FRMD4A: variants seen among roughly 807,000 people sequenced by gnomAD.
The protein encoded by FRMD4A is FERM domain containing 4A, also known as FERM domain-containing protein 4A.
FRMD4A carries 29 observed loss-of-function variants against 129.1 expected under a neutral mutation model. The ratio of observed to expected loss-of-function variants is 0.22; its 90% CI spans 0.17 to 0.31. The LOEUF is 0.31. Ranked by LOEUF, FRMD4A falls within the 10% of genes least tolerant of loss-of-function variation. The pLI is 1.00. For missense variants in FRMD4A, 1,272 were observed against 1,375.8 expected (o/e 0.92, Z 1.19); for synonymous variants, 634 against 571.6 (o/e 1.11, Z -1.56).
intron 3 of FRMD4A, among the ~76,000 whole-genome samples, chr10:13,814,590 AAAAAAAAAAAAAAAAAAG>A (rs2093505816): frequency 6.9e-6 from 1 of 144,488 alleles, no homozygotes; most frequent in African/African-American, 2.5e-5. Flanking sequence ...CAAAAAAAAA[AAAAAAAAAAAAAAAAAAG>A]AAAGAAAGGG....
intron 12 of FRMD4A, among the ~76,000 whole-genome samples, chr10:13,734,550 C>T (rs2090511374): frequency 6.6e-6 from 1 of 152,168 alleles, no homozygotes; most frequent in African/African-American, 2.4e-5. Flanking sequence ...ACACTGGCCT[C>T]TCCCCTGCAT....
intron 2 of FRMD4A, among the ~76,000 whole-genome samples, chr10:14,284,374 C>T (rs547036084): frequency 6.4e-4 from 97 of 152,226 alleles, no homozygotes; most frequent in Non-Finnish European, 1.1e-3. Context: ...GGAGGCTGGG[C>T]GCAGTGGTTC....
intron 14 of FRMD4A, among the ~76,000 whole-genome samples, chr10:13,694,433 G>A (rs1054755194): frequency 1.3e-5 from 2 of 152,130 alleles, no homozygotes; most frequent in Non-Finnish European, 2.9e-5. Context: ...TGTGGGAAGG[G>A]TGTTCCTCCC....
rs563254267 is a variant in FRMD4A, at chr10:14,027,407, G to A, written c.46-168495C>T. 5.9e-5 allele frequency among the ~76,000 whole-genome samples: 9 copies of A among 152,328 alleles called. No individual in the cohort carries two copies. In the East Asian group the frequency reaches 9.7e-4, roughly 16 times the overall value. On this transcript the variant is annotated intron_variant, in intron 2 of 24. Coordinates refer to ENST00000357447, the MANE Select transcript of FRMD4A (RefSeq NM_018027.5). ...TATAATCCCAGCACTTTGGGAGGCC[G>A]AGGCGGGTGGACAGCCTGACCAATA...
chr10:13,778,623 T>TGTGTGTGTGTGTG lies in FRMD4A; in HGVS notation c.384+4298_384+4299insCACACACACACAC, dbSNP rs1240640403. ...CGTGTGTGTGTGTGTGTGTGTGTGTTTGTGTGTGTGTTAAGGTTTAATGGG... is the reference window on the plus strand; with the variant it reads ...CGTGTGTGTGTGTGTGTGTGTGTGTTGTGTGTGTGTGTGTGTGTGTGTGTTAAGGTTTAATGGG... On this transcript the variant is annotated intron_variant, in intron 6 of 24. Transcript: ENST00000357447. Among the ~76,000 whole-genome samples, 83 of 138,604 alleles carry TGTGTGTGTGTGTG rather than the reference T, an allele frequency of 6.0e-4. 1 individual carries two copies. The East Asian group carries it at 7.8e-3, about 13-fold the overall frequency. 90.9% of individuals were successfully genotyped at this position (138,604 alleles called of 152,430 possible). A position where few individuals can be genotyped will look rare whatever the true frequency, so the allele number is the denominator to read the frequency against.
chr10:14,257,942 G>C (rs1446761198), intron 2 of FRMD4A, among the ~76,000 whole-genome samples: 3 of 152,130 alleles, frequency 2.0e-5, no homozygotes, highest in African/African-American at 7.2e-5. Flanking sequence ...ACTAATACAA[G>C]GTGCAATGGA....
At chr10:14,139,578 T>G (rs907212713) in intron 2 of FRMD4A, among the ~76,000 whole-genome samples, 1 of 151,844 alleles carries the variant, frequency 6.6e-6, no homozygotes, top group Non-Finnish European at 1.5e-5. Flanking sequence ...GCCTCCCAAG[T>G]AGCTGGGACC....
At chr10:14,084,500 A>G (rs1021991187) in intron 2 of FRMD4A, among the ~76,000 whole-genome samples, 2 of 152,280 alleles carry the variant, frequency 1.3e-5, no homozygotes, top group African/African-American at 4.8e-5. Context: ...TAAATTTTCT[A>G]TGTTATGTGA....
At chr10:13,714,120 C>A (rs755301436) in intron 12 of FRMD4A, among the ~76,000 whole-genome samples, 2 of 141,010 alleles carry the variant, frequency 1.4e-5, no homozygotes, top group East Asian at 4.1e-4. Flanking sequence ...AGTGCAGTGG[C>A]ACGTTCTCAG....
chr10:13,717,941 C>T (rs2089003443), intron 12 of FRMD4A, among the ~76,000 whole-genome samples: 1 of 152,088 alleles, frequency 6.6e-6, no homozygotes, highest in South Asian at 2.1e-4. Context: ...AAAAAGAAAA[C>T]GAAATGTCAA....
At chr10:13,659,549 G>C (rs1422936367) in intron 20 of FRMD4A, 59 bp from the exon 21 acceptor site, 3 of 1,529,906 alleles carry the variant, frequency 2.0e-6, no homozygotes, top group Non-Finnish European at 2.7e-6. Flanking sequence ...TTCCTGGGGG[G>C]CTGGCTAGTT....
intron 2 of FRMD4A, among the ~76,000 whole-genome samples, chr10:14,214,765 C>T (rs957714688): frequency 2.0e-5 from 3 of 152,082 alleles, no homozygotes; most frequent in African/African-American, 7.2e-5. Context: ...ATGGGTAGAA[C>T]AAAAATTGTA....
chr10:14,119,995 C>CTTT (rs34292351), intron 2 of FRMD4A, among the ~76,000 whole-genome samples: 5 of 131,222 alleles, frequency 3.8e-5, no homozygotes, highest in Admixed American at 1.5e-4. Context: ...ATGTCATCTG[C>CTTT]TTTTTTTTTT....
intron 2 of FRMD4A, among the ~76,000 whole-genome samples, chr10:13,999,844 A>G (rs759466505): frequency 6.6e-6 from 1 of 152,228 alleles, no homozygotes; most frequent in African/African-American, 2.4e-5. Context: ...TGGTGATGAC[A>G]CGGATGTTCG....
chr10:14,152,710 T>C (rs561471118), intron 2 of FRMD4A, among the ~76,000 whole-genome samples: 2 of 152,202 alleles, frequency 1.3e-5, no homozygotes, highest in South Asian at 2.1e-4. Context: ...CATGGTGGTA[T>C]GTGTCTTTAG....
At chr10:13,890,512 G>C (rs1331950843) in intron 2 of FRMD4A, 22 of 976,426 alleles carry the variant, frequency 2.3e-5, no homozygotes, top group Non-Finnish European at 2.7e-5. Flanking sequence ...ACCAGCAGCT[G>C]AACCCTCAAT....
intron 2 of FRMD4A, among the ~76,000 whole-genome samples, chr10:14,039,301 C>A (rs116153885): frequency 1.0e-3 from 157 of 152,178 alleles, no homozygotes; most frequent in African/African-American, 3.6e-3. Flanking sequence ...TTTTTCACAT[C>A]TAAAAATTTG....
chr10:14,039,359 T>TGTCTGTCC (rs1833653103), intron 2 of FRMD4A, among the ~76,000 whole-genome samples: 1 of 128,260 alleles, frequency 7.8e-6, no homozygotes, highest in African/African-American at 3.0e-5. Context: ...CTTTCTGATC[T>TGTCTGTCC]GTCCGTCCGT....
intron 2 of FRMD4A, among the ~76,000 whole-genome samples, chr10:14,152,299 T>C (rs1031783631): frequency 3.3e-5 from 5 of 151,752 alleles, no homozygotes; most frequent in African/African-American, 1.2e-4. Context: ...GGCTAACTTT[T>C]TTGTATTTTT....
Sources: allele counts gnomAD v4.1 joint callset (sites outside exome capture counted in the v4.1 genomes callset), GRCh38; gene constraint gnomAD v4.1.1; transcripts MANE v1.5; gene names NCBI Gene and HGNC (gene_info 2026-07-23, HGNC 2026-07-21).